Variants in PPP2R2C observed in about 807,000 individuals in gnomAD.
PPP2R2C encodes protein phosphatase 2, regulatory subunit B, gamma.
PPP2R2C carries 10 observed loss-of-function variants against 45.3 expected under a neutral mutation model. That is an observed-to-expected ratio of 0.22 (90% CI 0.14 to 0.37). The LOEUF (loss-of-function observed/expected upper bound fraction) is 0.37, where lower values mean the gene tolerates loss of function less well. Ranked by LOEUF, PPP2R2C falls within the 10% of genes least tolerant of loss-of-function variation. The probability of loss-of-function intolerance (pLI) is 1.00; values close to 1 mark genes in which losing one functional copy is unlikely to be tolerated. For missense variants in PPP2R2C, 308 were observed against 619.7 expected, an observed-to-expected ratio of 0.50 and a Z score of 5.34; for synonymous variants, 257 against 245.4, an observed-to-expected ratio of 1.05 and a Z score of -0.44.
chr4:6,395,574 G>A (rs1291619923), intron 1 of PPP2R2C, among the ~76,000 whole-genome samples: 1 of 152,200 alleles, frequency 6.6e-6, no homozygotes, highest in Non-Finnish European at 1.5e-5. Context: ...GGTAGGGTGT[G>A]GGCAGAGGCG....
At chr4:6,407,388 A>G (rs1717866451) in intron 1 of PPP2R2C, among the ~76,000 whole-genome samples, 1 of 151,936 alleles carries the variant, frequency 6.6e-6, no homozygotes, top group Non-Finnish European at 1.5e-5. Context: ...TAGAAACCCA[A>G]CTGGTTTTTT....
chr4:6,538,389 G>A (rs1421009119), intron 1 of PPP2R2C, among the ~76,000 whole-genome samples: 1 of 152,112 alleles, frequency 6.6e-6, no homozygotes, highest in African/African-American at 2.4e-5. Context: ...ACACACAGGT[G>A]CATTGAGCCA....
At chr4:6,325,373 G>A (rs113201685) in intron 8 of PPP2R2C, among the ~76,000 whole-genome samples, 1 of 152,182 alleles carries the variant, frequency 6.6e-6, no homozygotes, top group Non-Finnish European at 1.5e-5. Context: ...CCTGGGACAA[G>A]GGAAGCAGCA....
At chr4:6,376,791 G>A (rs1171630822) in intron 3 of PPP2R2C, among the ~76,000 whole-genome samples, 2 of 152,214 alleles carry the variant, frequency 1.3e-5, no homozygotes, top group African/African-American at 2.4e-5. Flanking sequence ...AGGAGCAGGT[G>A]CATGGGGACA....
At chr4:6,338,056 C>T (rs552828181) in intron 6 of PPP2R2C, among the ~76,000 whole-genome samples, 11 of 152,128 alleles carry the variant, frequency 7.2e-5, no homozygotes, top group Non-Finnish European at 1.2e-4. Context: ...ACACACACCC[C>T]GCTGCACCAC....
chr4:6,533,018 C>T (rs534034421), intron 2 of PPP2R2C, among the ~76,000 whole-genome samples: 24 of 152,344 alleles, frequency 1.6e-4, no homozygotes, highest in African/African-American at 5.5e-4. Flanking sequence ...CAGCATGGTG[C>T]ATGGAGGCAG....
intron 1 of PPP2R2C, among the ~76,000 whole-genome samples, chr4:6,403,090 A>G (rs978770880): frequency 6.6e-6 from 1 of 152,256 alleles, no homozygotes; most frequent in Non-Finnish European, 1.5e-5. Context: ...TGGGCTAATT[A>G]GAACCACTGA....
intron 6 of PPP2R2C, among the ~76,000 whole-genome samples, chr4:6,334,017 TTTGAAGCC>T (rs1444269165): frequency 6.6e-6 from 1 of 152,122 alleles, no homozygotes; most frequent in Non-Finnish European, 1.5e-5. Flanking sequence ...AGAGTCGGGA[TTTGAAGCC>T]AAAGCTATAC....
At chr4:6,477,352 G>C (rs925720364), upstream of PPP2R2C, among the ~76,000 whole-genome samples, 25 of 152,192 alleles carry the variant, frequency 1.6e-4, no homozygotes, top group African/African-American at 6.0e-4. Context: ...TGTCCCTGTT[G>C]ATCCACAACC....
At chr4:6,417,858 G>A (rs576420037) in intron 1 of PPP2R2C, among the ~76,000 whole-genome samples, 2 of 152,310 alleles carry the variant, frequency 1.3e-5, no homozygotes, top group African/African-American at 2.4e-5. Flanking sequence ...CAGAGAAGTC[G>A]CCGAGCCTCA....
At chr4:6,502,656 GTCAA>G (rs1278630078) in intron 2 of PPP2R2C, among the ~76,000 whole-genome samples, 1 of 152,102 alleles carries the variant, frequency 6.6e-6, no homozygotes, top group African/African-American at 2.4e-5. Context: ...AAGACAATTA[GTCAA>G]TCAATCAATC....
intron 6 of PPP2R2C, among the ~76,000 whole-genome samples, chr4:6,334,555 G>T (rs1014034392): frequency 6.6e-6 from 1 of 152,094 alleles, no homozygotes; most frequent in African/African-American, 2.4e-5. Context: ...ATTTCTGCTG[G>T]TATCTGTCTC....
intron 1 of PPP2R2C, among the ~76,000 whole-genome samples, chr4:6,456,399 A>C (rs1396968952): frequency 6.6e-6 from 1 of 150,764 alleles, no homozygotes; most frequent in African/African-American, 2.4e-5. Flanking sequence ...TCTCAAAAAG[A>C]GCACCTTAAC....
At chr4:6,405,726 C>A (rs558143780) in intron 1 of PPP2R2C, among the ~76,000 whole-genome samples, 1 of 152,266 alleles carries the variant, frequency 6.6e-6, no homozygotes, top group Admixed American at 6.5e-5. Flanking sequence ...ATGACAACAT[C>A]ACGAAAACCT....
At chr4:6,532,112 C>G (rs866214481) in intron 2 of PPP2R2C, among the ~76,000 whole-genome samples, 1 of 152,210 alleles carries the variant, frequency 6.6e-6, no homozygotes, top group African/African-American at 2.4e-5. Flanking sequence ...TCACCCTCTC[C>G]CCCATCACCA....
intron 5 of PPP2R2C, among the ~76,000 whole-genome samples, chr4:6,369,906 G>A (rs1398908432): frequency 6.6e-6 from 1 of 150,856 alleles, no homozygotes; most frequent in Non-Finnish European, 1.5e-5. Context: ...CTCAGTGTGG[G>A]CCTGGGAGTA....
chr4:6,554,876 A>G (rs1725312639), intron 1 of PPP2R2C, among the ~76,000 whole-genome samples: 1 of 147,666 alleles, frequency 6.8e-6, no homozygotes, highest in Non-Finnish European at 1.5e-5. Context: ...AAAAAAAAGA[A>G]AAAGAAAAAG....
In PPP2R2C at chr4:6,330,990, G is replaced by A. The variant is rs558474522; in HGVS notation, c.961-1637C>T. ...TGGGACCCTCGAGGGTGAGGCCGAG[G>A]TTCTTCCTTCTCTCTGGGTCCAGGG... On this transcript the variant is annotated intron_variant, in intron 7 of 8. Transcript: ENST00000382599. This position sits in a 1 kb window ranked among gnomAD's most constrained non-coding sequence, Gnocchi z 7.0. Among the ~76,000 whole-genome samples the A allele has an allele frequency of 6.6e-5, 10 of 152,300 alleles. No individual in the cohort carries two copies. The highest frequency in any genetic ancestry group is 2.2e-4 in the African/African-American group (9 of 41,568).
chr4:6,395,652 C>T (rs1391565623), intron 1 of PPP2R2C, among the ~76,000 whole-genome samples: 9 of 152,180 alleles, frequency 5.9e-5, no homozygotes, highest in Admixed American at 5.2e-4. Context: ...CTGTGGTATG[C>T]CAAGGGCGCA....
Sources: allele counts gnomAD v4.1 joint callset (sites outside exome capture counted in the v4.1 genomes callset), GRCh38; gene constraint gnomAD v4.1.1; non-coding constraint Gnocchi (gnomAD v3.1); transcripts MANE v1.5; gene names NCBI Gene and HGNC (gene_info 2026-07-23, HGNC 2026-07-21).